The following SGCZ variants were observed in gnomAD, a reference collection of about 807,000 sequenced individuals.
The protein encoded by SGCZ is zeta-sarcoglycan.
In SGCZ, 40 loss-of-function variants were observed where a neutral mutation model predicts 41.3. The ratio of observed to expected loss-of-function variants is 0.97; its 90% CI spans 0.75 to 1.26. The LOEUF is 1.26. Ranked by LOEUF, SGCZ falls within the 50% of genes most tolerant of loss-of-function variation. SGCZ has a pLI of 0.00. For missense variants in SGCZ, 552 were observed against 369.8 expected (o/e 1.49, Z -4.04); for synonymous variants, 206 against 137.5 (o/e 1.50, Z -3.49).
chr8:14,839,399 T>C (rs146923740), intron 1 of SGCZ, among the ~76,000 whole-genome samples: 1 of 152,172 alleles, frequency 6.6e-6, no homozygotes, highest in Non-Finnish European at 1.5e-5. Flanking sequence ...CATGTTAAGA[T>C]GTCTATTAGA....
At chr8:15,100,433 A>T (rs187509575) in intron 1 of SGCZ, among the ~76,000 whole-genome samples, 1 of 152,330 alleles carries the variant, frequency 6.6e-6, no homozygotes, top group East Asian at 1.9e-4. Flanking sequence ...ACCGCAAAAT[A>T]CTGATGAAAG....
At chr8:15,195,864 TG>T (rs1800707951) in intron 1 of SGCZ, among the ~76,000 whole-genome samples, 1 of 151,502 alleles carries the variant, frequency 6.6e-6, no homozygotes. Context: ...AAATTTATAA[TG>T]GGTTTTATAC....
intron 1 of SGCZ, chr8:14,879,881 C>T (rs1425511550): frequency 2.6e-5 from 4 of 151,658 alleles, no homozygotes; most frequent in Non-Finnish European, 5.9e-5. Context: ...GCTCTTGTCG[C>T]CCAGGCTGGA....
chr8:14,199,731 G>C (rs35399891), intron 4 of SGCZ, among the ~76,000 whole-genome samples: 9,045 of 152,046 alleles, frequency 0.059, 333 homozygotes, highest in East Asian at 0.092. Context: ...GAAATATCAG[G>C]AGTGAATTTC....
At chr8:14,903,890 G>C (rs139394422) in intron 1 of SGCZ, among the ~76,000 whole-genome samples, 1 of 151,926 alleles carries the variant, frequency 6.6e-6, no homozygotes, top group Non-Finnish European at 1.5e-5. Context: ...ATCTAGGGAA[G>C]ATTAACCTTA....
chr8:14,933,229 C>G (rs1024055868), intron 1 of SGCZ, among the ~76,000 whole-genome samples: 1 of 151,792 alleles, frequency 6.6e-6, no homozygotes, highest in Non-Finnish European at 1.5e-5. Flanking sequence ...CCTCCTAAAC[C>G]TAAAATAAGA....
rs1585345693 is a variant in SGCZ, at chr8:14,308,945, G to A, written c.336+15158C>T. On this transcript the variant is annotated intron_variant, in intron 3 of 7. Transcript: ENST00000382080. Reference sequence around the variant, plus strand: ...AATCCAGTAGACTAACAAAGTGTAAGCTGATTGGCACTTCAGAGTTTCAGT... The same window carrying A: ...AATCCAGTAGACTAACAAAGTGTAAACTGATTGGCACTTCAGAGTTTCAGT... 8.2e-6 allele frequency: 5 copies of A among 610,982 alleles called. No homozygotes were observed. In the East Asian group the frequency reaches 1.3e-4, roughly 16 times the overall value. The allele number at this position is 610,982 out of a possible 1,614,324, so 37.8% of individuals were successfully genotyped here. A position where few individuals can be genotyped will look rare whatever the true frequency, so the allele number is the denominator to read the frequency against.
intron 5 of SGCZ, among the ~76,000 whole-genome samples, chr8:14,148,654 A>G (rs1803601754): frequency 6.6e-6 from 1 of 152,176 alleles, no homozygotes; most frequent in South Asian, 2.1e-4. Flanking sequence ...ATTCCAGGAA[A>G]TGGAAGAAGA....
At chr8:15,034,829 C>G (rs1446384817) in intron 1 of SGCZ, among the ~76,000 whole-genome samples, 1 of 152,154 alleles carries the variant, frequency 6.6e-6, no homozygotes, top group Non-Finnish European at 1.5e-5. Flanking sequence ...AAGGACAAAA[C>G]TGTCAACCAA....
intron 2 of SGCZ, among the ~76,000 whole-genome samples, chr8:14,523,259 T>C (rs1425636799): frequency 6.6e-6 from 1 of 152,030 alleles, no homozygotes; most frequent in African/African-American, 2.4e-5. Flanking sequence ...ACTTACAGTG[T>C]TCATTCTTAC....
intron 1 of SGCZ, among the ~76,000 whole-genome samples, chr8:15,059,909 G>C (rs1485818584): frequency 6.6e-6 from 1 of 152,134 alleles, no homozygotes; most frequent in Non-Finnish European, 1.5e-5. Flanking sequence ...TAGGGGAATA[G>C]AACAATGGGT....
intron 1 of SGCZ, among the ~76,000 whole-genome samples, chr8:14,649,027 C>A (rs1807313869): frequency 2.6e-5 from 4 of 152,106 alleles, no homozygotes; most frequent in Admixed American, 1.3e-4. Context: ...AGTCTAGCTG[C>A]TGTTTGATCA....
intron 1 of SGCZ, among the ~76,000 whole-genome samples, chr8:15,163,511 G>A (rs1029394710): frequency 6.6e-6 from 1 of 152,064 alleles, no homozygotes; most frequent in African/African-American, 2.4e-5. Flanking sequence ...TGACTGTGTG[G>A]TTTCTTTTTT....
chr8:15,033,911 G>C (rs1803779059), intron 1 of SGCZ, among the ~76,000 whole-genome samples: 1 of 152,166 alleles, frequency 6.6e-6, no homozygotes, highest in African/African-American at 2.4e-5. Context: ...CAGCATGCAG[G>C]CCATAACAGA....
chr8:14,988,724 T>C (rs1218723964), intron 1 of SGCZ, among the ~76,000 whole-genome samples: 1 of 152,144 alleles, frequency 6.6e-6, no homozygotes, highest in African/African-American at 2.4e-5. Flanking sequence ...ATAGAAATGT[T>C]TCCTTGTGAA....
intron 1 of SGCZ, among the ~76,000 whole-genome samples, chr8:14,850,615 G>T (rs1161243809): frequency 3.9e-5 from 6 of 152,150 alleles, no homozygotes. Flanking sequence ...AAAAAGGAAA[G>T]AATTTAATGA....
At chr8:14,993,412 T>C (rs990516184) in intron 1 of SGCZ, among the ~76,000 whole-genome samples, 4 of 152,090 alleles carry the variant, frequency 2.6e-5, no homozygotes, top group Non-Finnish European at 5.9e-5. Flanking sequence ...CTCTGGCCCA[T>C]ATAACACAAA....
At chr8:14,210,006 A>AG (rs1554479077) in intron 4 of SGCZ, among the ~76,000 whole-genome samples, 2 of 150,242 alleles carry the variant, frequency 1.3e-5, no homozygotes, top group Non-Finnish European at 3.0e-5. Context: ...AAGCCTTCAG[A>AG]TTCTTATGTT....
At chr8:14,121,004 G>T (rs1409493761) in intron 5 of SGCZ, among the ~76,000 whole-genome samples, 4 of 152,078 alleles carry the variant, frequency 2.6e-5, no homozygotes, top group Non-Finnish European at 5.9e-5. Flanking sequence ...TAAGTAGGCA[G>T]ATTTTCCTGT....
Sources: gnomAD v4.1 joint callset for allele counts (sites outside exome capture counted in the v4.1 genomes callset) on GRCh38, gnomAD v4.1.1 for gene constraint, MANE v1.5 for transcripts, NCBI Gene and HGNC (gene_info 2026-07-23, HGNC 2026-07-21) for gene names.